DEPTOR: variants seen among roughly 807,000 people sequenced by gnomAD.
DEPTOR encodes the protein DEP domain-containing mTOR-interacting protein.
Under a neutral mutation model 41.6 loss-of-function variants are expected in DEPTOR, and 41 were observed. The observed-to-expected ratio is 0.98, with a 90% CI of 0.77 to 1.28. The LOEUF is 1.28. Ranked by LOEUF, DEPTOR falls within the 50% of genes most tolerant of loss-of-function variation. The pLI is 0.00. For synonymous variants in DEPTOR, 195 were observed against 192.3 expected, an observed-to-expected ratio of 1.01 and a Z score of -0.12; for missense variants, 514 against 527.9, an observed-to-expected ratio of 0.97 and a Z score of 0.26.
At position 119,961,164 on chromosome 8, in the gene DEPTOR, C is replaced by T. The variant is rs192640492; in HGVS notation, c.426-4068C>T. 2.9e-3 allele frequency among the ~76,000 whole-genome samples: 436 copies of T among 152,088 alleles called. 7 individuals are homozygous for T. The highest frequency in any genetic ancestry group is 9.3e-3 in the African/African-American group (386 of 41,498). On this transcript the variant is annotated intron_variant, in intron 3 of 8. Coordinates refer to ENST00000286234, the MANE Select transcript of DEPTOR (RefSeq NM_022783.4). ...GGGCACAGTGGATCACGTCTGTAAT[C>T]CCCGCCCTTTGGGAGGCTGAGGCGG...
intron 8 of DEPTOR, among the ~76,000 whole-genome samples, chr8:120,013,207 A>T (rs1272943685): frequency 6.6e-6 from 1 of 151,806 alleles, no homozygotes; most frequent in Non-Finnish European, 1.5e-5. Flanking sequence ...TATGCAGTTC[A>T]TAGTTGACTG....
chr8:120,018,052 GA>G (rs112593443), intron 8 of DEPTOR, among the ~76,000 whole-genome samples: 1 of 151,812 alleles, frequency 6.6e-6, no homozygotes, highest in Admixed American at 6.6e-5. Context: ...TCATAGCAAG[GA>G]AAAAAATGTC....
intron 4 of DEPTOR, among the ~76,000 whole-genome samples, chr8:120,000,521 G>GA (rs1812330860): frequency 6.6e-6 from 1 of 151,996 alleles, no homozygotes; most frequent in Admixed American, 6.6e-5. Context: ...GGAGTGCAGT[G>GA]GTGCAATCTC....
chr8:120,036,586 A>G (rs1409052734), intron 8 of DEPTOR, among the ~76,000 whole-genome samples: 3 of 152,132 alleles, frequency 2.0e-5, no homozygotes, highest in African/African-American at 7.2e-5. Context: ...TCCTGCTGTC[A>G]GGTCTGTGTG....
At chr8:119,938,414 A>C (rs1393398271) in intron 3 of DEPTOR, among the ~76,000 whole-genome samples, 1 of 152,238 alleles carries the variant, frequency 6.6e-6, no homozygotes. Flanking sequence ...AACAAAATTT[A>C]AGTGGTTTTA....
Position 119,922,009 on chromosome 8 carries a change from G to T in DEPTOR, c.123-6391G>T, listed in dbSNP as rs551148118. On this transcript the variant is annotated intron_variant, in intron 1 of 8. Coordinates refer to ENST00000286234, the MANE Select transcript of DEPTOR (RefSeq NM_022783.4). ...TCCCAGCACTTTGGGAGGCCGAGGT[G>T]GGTGGATCACCTGAGGTCAGGCGTT... Among the ~76,000 whole-genome samples, 7 of 152,096 alleles carry T rather than the reference G, an allele frequency of 4.6e-5. No homozygotes were observed. The South Asian group carries it at 1.5e-3, about 32-fold the overall frequency.
chr8:119,905,619 G>C (rs938774280), intron 1 of DEPTOR, among the ~76,000 whole-genome samples: 2 of 136,958 alleles, frequency 1.5e-5, no homozygotes, highest in Admixed American at 1.7e-4. Context: ...CCCCAATATG[G>C]GCTTTATATG....
At chr8:120,035,327 A>T (rs1812964048) in intron 8 of DEPTOR, among the ~76,000 whole-genome samples, 1 of 61,238 alleles carries the variant, frequency 1.6e-5, no homozygotes, top group Admixed American at 1.2e-4. Flanking sequence ...CCAGAAAAAA[A>T]AGAAAGAAAG....
chr8:120,037,069 A>G (rs1407669776), intron 8 of DEPTOR, among the ~76,000 whole-genome samples: 2 of 152,236 alleles, frequency 1.3e-5, no homozygotes, highest in East Asian at 1.9e-4. Flanking sequence ...CAGAATCCCA[A>G]CAGGCTTTTC....
intron 1 of DEPTOR, among the ~76,000 whole-genome samples, chr8:119,893,020 T>C (rs1827471543): frequency 6.6e-6 from 1 of 152,074 alleles, no homozygotes; most frequent in African/African-American, 2.4e-5. Flanking sequence ...TGTTCTCAGG[T>C]TATCCACCTG....
chr8:119,893,711 C>T (rs924642283), intron 1 of DEPTOR, among the ~76,000 whole-genome samples: 51 of 152,102 alleles, frequency 3.4e-4, no homozygotes, highest in African/African-American at 1.1e-3. Context: ...GCCTGTAACC[C>T]CAACTACTCG....
intron 8 of DEPTOR, among the ~76,000 whole-genome samples, chr8:120,016,934 T>C (rs747549258): frequency 1.2e-4 from 18 of 152,194 alleles, no homozygotes; most frequent in Non-Finnish European, 2.1e-4. Flanking sequence ...ATTCTGGGAA[T>C]ACTCAAACGT....
intron 4 of DEPTOR, among the ~76,000 whole-genome samples, chr8:119,998,550 T>A (rs1350384450): frequency 6.6e-6 from 1 of 152,172 alleles, no homozygotes; most frequent in Admixed American, 6.5e-5. Flanking sequence ...GTGACCAGTT[T>A]GCAGAGTCCC....
chr8:120,049,956 A>G lies in DEPTOR; in HGVS notation c.*252A>G, dbSNP rs1813211459. 6.5e-6 allele frequency: 2 copies of G among 307,232 alleles called. No individual in the cohort carries two copies. The highest frequency in any genetic ancestry group is 1.3e-4 in the East Asian group (2 of 15,400). 19.0% of individuals were successfully genotyped at this position (307,232 alleles called of 1,614,324 possible). On this transcript the variant is annotated 3_prime_UTR_variant, in exon 9 of 9. Transcript: ENST00000286234. ...CTACATGATAGAACTGCCTTACTAG[A>G]TTTCTATTTGTAGCTCTCATTCATT...
chr8:120,002,633 C>T (rs1165981015), intron 5 of DEPTOR, among the ~76,000 whole-genome samples: 2 of 150,394 alleles, frequency 1.3e-5, no homozygotes. Context: ...CAAAATTTAG[C>T]CGGGCGTGGT....
intron 3 of DEPTOR, among the ~76,000 whole-genome samples, chr8:119,934,145 T>A (rs1258601041): frequency 6.6e-6 from 1 of 152,196 alleles, no homozygotes; most frequent in East Asian, 1.9e-4. Flanking sequence ...ACTCCCAAAG[T>A]GTTGGGATTA....
intron 8 of DEPTOR, among the ~76,000 whole-genome samples, chr8:120,033,635 C>T (rs896504537): frequency 3.3e-5 from 5 of 152,150 alleles, no homozygotes; most frequent in East Asian, 3.8e-4. Flanking sequence ...TCTCTAGGAA[C>T]GAAGATTTGG....
intron 1 of DEPTOR, among the ~76,000 whole-genome samples, chr8:119,893,821 C>T (rs1226131040): frequency 6.6e-6 from 1 of 151,994 alleles, no homozygotes; most frequent in Non-Finnish European, 1.5e-5. Flanking sequence ...CAGAACACTA[C>T]TCTGTCACCT....
At chr8:120,033,473 T>C (rs1341773957) in intron 8 of DEPTOR, among the ~76,000 whole-genome samples, 1 of 152,176 alleles carries the variant, frequency 6.6e-6, no homozygotes, top group Non-Finnish European at 1.5e-5. Context: ...GAAGCCAAGC[T>C]AGCCCAGGTC....
Sources: gnomAD v4.1 joint callset for allele counts (sites outside exome capture counted in the v4.1 genomes callset) on GRCh38, gnomAD v4.1.1 for gene constraint, MANE v1.5 for transcripts, NCBI Gene and HGNC (gene_info 2026-07-23, HGNC 2026-07-21) for gene names.